The following CALN1 variants were observed in gnomAD, a reference collection of about 807,000 sequenced individuals.
The protein encoded by CALN1 is calcium-binding protein 8.
A neutral mutation model predicts 30.6 loss-of-function variants in CALN1; 17 were observed. The observed-to-expected ratio is 0.56, with a 90% confidence interval of 0.38 to 0.83. CALN1 has a LOEUF of 0.83. CALN1 is among the 40% of genes least tolerant of loss of function. The probability of loss-of-function intolerance (pLI) is 0.00; values close to 1 mark genes in which losing one functional copy is unlikely to be tolerated. For synonymous variants in CALN1, 156 were observed against 131.4 expected, an observed-to-expected ratio of 1.19 and a Z score of -1.28; for missense variants, 291 against 354.9, an observed-to-expected ratio of 0.82 and a Z score of 1.45.
At chr7:72,264,879 T>TGGGGC (rs1796508578) in intron 3 of CALN1, among the ~76,000 whole-genome samples, 1 of 152,162 alleles carries the variant, frequency 6.6e-6, no homozygotes, top group Non-Finnish European at 1.5e-5. Flanking sequence ...ATTGTTCCCC[T>TGGGGC]CTATGTGACC....
intron 5 of CALN1, among the ~76,000 whole-genome samples, chr7:71,949,353 T>TA (rs1796572430): frequency 6.6e-6 from 1 of 152,180 alleles, no homozygotes; most frequent in Non-Finnish European, 1.5e-5. Flanking sequence ...ATAAGGCGTA[T>TA]ACCAAGTAAC....
intron 3 of CALN1, among the ~76,000 whole-genome samples, chr7:72,265,380 G>A (rs1796534689): frequency 2.0e-5 from 3 of 152,140 alleles, no homozygotes; most frequent in Non-Finnish European, 4.4e-5. Flanking sequence ...AAATTCTTGA[G>A]TAGTCCCAGG....
intron 4 of CALN1, among the ~76,000 whole-genome samples, chr7:72,045,761 A>G (rs1209129735): frequency 6.6e-6 from 1 of 152,104 alleles, no homozygotes; most frequent in African/African-American, 2.4e-5. Flanking sequence ...ACACTTTGGG[A>G]GGCAGAGGTG....
intron 5 of CALN1, among the ~76,000 whole-genome samples, chr7:71,967,709 CAAT>C (rs1297768794): frequency 6.6e-6 from 1 of 150,732 alleles, no homozygotes; most frequent in East Asian, 1.9e-4. Context: ...CTTTCAAACT[CAAT>C]AATAAGAAAG....
At chr7:71,907,009 C>G (rs754856133) in intron 5 of CALN1, among the ~76,000 whole-genome samples, 35 of 152,148 alleles carry the variant, frequency 2.3e-4, no homozygotes, top group Non-Finnish European at 3.7e-4. Flanking sequence ...GGGGCAGGGC[C>G]TGGTGCCATC....
rs11302119 is a variant in CALN1, at chr7:72,393,742, C to CTT, written c.119+9507_119+9508dup. Among the ~76,000 whole-genome samples the CTT allele has an allele frequency of 5.2e-3, 648 of 125,768 alleles. 8 individuals are homozygous for CTT. The highest frequency in any genetic ancestry group is 0.017 in the African/African-American group (554 of 32,842). 82.5% of individuals were successfully genotyped at this position (125,768 alleles called of 152,430 possible). A position where few individuals can be genotyped will look rare whatever the true frequency, so the allele number is the denominator to read the frequency against. On this transcript the variant is annotated intron_variant, in intron 2 of 6. Coordinates refer to ENST00000395275, the MANE Select transcript of CALN1 (RefSeq NM_031468.4). ...GCCATTTAGCTTATTGACCATAGAGCTTTTTTTTTTTTTTTTTTCTATTTT... is the reference window on the plus strand; with the variant it reads ...GCCATTTAGCTTATTGACCATAGAGCTTTTTTTTTTTTTTTTTTTTCTATTTT...
chr7:72,237,441 C>T (rs546842075), intron 3 of CALN1, among the ~76,000 whole-genome samples: 6 of 152,050 alleles, frequency 3.9e-5, no homozygotes, highest in African/African-American at 4.8e-5. Context: ...CAGGGAGAGA[C>T]GACAGGGCCA....
At chr7:72,102,224 C>T (rs1256399426) in intron 4 of CALN1, among the ~76,000 whole-genome samples, 5 of 152,006 alleles carry the variant, frequency 3.3e-5, no homozygotes, top group Non-Finnish European at 7.4e-5. Context: ...GCAGGCGGAT[C>T]ACTTGAGCTC....
chr7:72,405,140 T>C (rs1806613527), intron 1 of CALN1, among the ~76,000 whole-genome samples: 1 of 152,114 alleles, frequency 6.6e-6, no homozygotes, highest in African/African-American at 2.4e-5. Context: ...GGGTGTTATG[T>C]CCTGCGATTG....
chr7:72,389,603 CTT>C (rs1805448577), intron 2 of CALN1, among the ~76,000 whole-genome samples: 2 of 152,102 alleles, frequency 1.3e-5, no homozygotes, highest in African/African-American at 4.8e-5. Context: ...TAAAAAGTCT[CTT>C]GACTTAAGCT....
At chr7:72,479,172 G>A in the CALN1 span, among the ~76,000 whole-genome samples, 4 of 152,274 alleles carry the variant, frequency 2.6e-5, no homozygotes, top group Middle Eastern at 3.4e-3. Context: ...GAGCCACTGC[G>A]CCGGGACCAT....
chr7:72,375,400 A>C (rs1415505513), intron 2 of CALN1, among the ~76,000 whole-genome samples: 1 of 151,728 alleles, frequency 6.6e-6, no homozygotes, highest in African/African-American at 2.4e-5. Flanking sequence ...CTGGCTCTGC[A>C]AAAAAATAAA....
At chr7:72,425,713 G>A (rs1807780901) in intron 1 of CALN1, among the ~76,000 whole-genome samples, 1 of 152,202 alleles carries the variant, frequency 6.6e-6, no homozygotes, top group Non-Finnish European at 1.5e-5. Flanking sequence ...ATCCTGTGAA[G>A]TATGAGGTGT....
At chr7:71,900,227 A>G (rs557635697) in intron 5 of CALN1, among the ~76,000 whole-genome samples, 1 of 152,298 alleles carries the variant, frequency 6.6e-6, no homozygotes, top group East Asian at 1.9e-4. Flanking sequence ...GCAAATAACT[A>G]TGGTTATTTT....
At chr7:72,229,952 C>G (rs999896199) in intron 3 of CALN1, among the ~76,000 whole-genome samples, 1 of 151,816 alleles carries the variant, frequency 6.6e-6, no homozygotes, top group African/African-American at 2.4e-5. Context: ...ACCATCCTGG[C>G]TAACAGGGTG....
chr7:72,447,269 G>C (rs1283606844), upstream of CALN1: 1 of 152,628 alleles, frequency 6.6e-6, no homozygotes, highest in Non-Finnish European at 1.5e-5. Context: ...CTGCTGCCGT[G>C]TCTGCTCTGG....
intron 3 of CALN1, among the ~76,000 whole-genome samples, chr7:72,192,222 G>C (rs1474666427): frequency 6.6e-6 from 1 of 152,142 alleles, no homozygotes; most frequent in Non-Finnish European, 1.5e-5. Context: ...GTACAAACCT[G>C]TACAACGTGT....
intron 5 of CALN1, among the ~76,000 whole-genome samples, chr7:71,825,858 C>A (rs913501042): frequency 6.6e-5 from 10 of 151,622 alleles, no homozygotes; most frequent in Admixed American, 3.9e-4. Context: ...CACGGTGAAA[C>A]CCTGTTTCTA....
chr7:72,259,723 A>G (rs1796146292), intron 3 of CALN1, among the ~76,000 whole-genome samples: 1 of 152,164 alleles, frequency 6.6e-6, no homozygotes, highest in Non-Finnish European at 1.5e-5. Flanking sequence ...AAACACAGCA[A>G]GGGTCTGTAT....
Sources: allele counts gnomAD v4.1 joint callset (sites outside exome capture counted in the v4.1 genomes callset), GRCh38; gene constraint gnomAD v4.1.1; transcripts MANE v1.5; gene names NCBI Gene and HGNC (gene_info 2026-07-23, HGNC 2026-07-21).